The following DSE variants were observed in gnomAD, a reference collection of about 807,000 sequenced individuals.
The protein encoded by DSE is dermatan sulfate epimerase.
A neutral mutation model predicts 84.4 loss-of-function variants in DSE; 36 were observed. That is an observed-to-expected ratio of 0.43 (90% CI 0.33 to 0.56). The LOEUF (loss-of-function observed/expected upper bound fraction) is 0.56, where lower values mean the gene tolerates loss of function less well. DSE is among the 20% of genes least tolerant of loss of function. The pLI, the probability that DSE is intolerant of heterozygous loss-of-function variation, is 0.06. For synonymous variants in DSE, 410 were observed against 430.1 expected (o/e 0.95, Z 0.58); for missense variants, 862 against 1,169.6 (o/e 0.74, Z 3.84).
rs1784506648 is a variant in DSE at position 116,444,082 on chromosome 6, G to A, written c.*6737G>A. 1 of 152,190 alleles carries A rather than the reference G, an allele frequency of 6.6e-6. No homozygotes were observed. The highest frequency in any genetic ancestry group is 6.5e-5 in the Admixed American group (1 of 15,272). 9.4% of individuals were successfully genotyped at this position (152,190 alleles called of 1,614,324 possible). ...GAAGGTATTTGTTTTACTGACAAAA[G>A]AATGGATCCAGGTCATTTAGTAGAG... On this transcript the variant is annotated 3_prime_UTR_variant, in exon 6 of 6. Transcript: ENST00000644252.
At chr6:116,303,479 G>T (rs1225663390) in intron 2 of DSE, among the ~76,000 whole-genome samples, 2 of 152,046 alleles carry the variant, frequency 1.3e-5, no homozygotes, top group African/African-American at 2.4e-5. Flanking sequence ...TTGAGGAAAA[G>T]GCATCTACAA....
intron 1 of DSE, 56 bp from the exon 2 acceptor site, chr6:116,399,142 C>T: frequency 7.0e-7 from 1 of 1,438,114 alleles, no homozygotes; most frequent in South Asian, 1.2e-5. Context: ...TGTTTCCACA[C>T]CTGTGCCATG....
At chr6:116,347,171 T>C (rs1040946823) in intron 2 of DSE, among the ~76,000 whole-genome samples, 1 of 152,252 alleles carries the variant, frequency 6.6e-6, no homozygotes, top group South Asian at 2.1e-4. Flanking sequence ...GAGGAATCAA[T>C]ATCCTGAAAA....
chr6:116,283,967 A>G (rs758665874), intron 2 of DSE, among the ~76,000 whole-genome samples: 1 of 152,236 alleles, frequency 6.6e-6, no homozygotes, highest in Non-Finnish European at 1.5e-5. Flanking sequence ...CATTTTGGCT[A>G]TGCTTCATAT....
intron 2 of DSE, among the ~76,000 whole-genome samples, chr6:116,265,325 G>T (rs1001796133): frequency 6.6e-6 from 1 of 152,138 alleles, no homozygotes; most frequent in African/African-American, 2.4e-5. Context: ...AGGATCTGCT[G>T]TTCTCTGTGT....
intron 2 of DSE, among the ~76,000 whole-genome samples, chr6:116,285,746 C>G (rs868156159): frequency 6.6e-6 from 1 of 152,196 alleles, no homozygotes; most frequent in African/African-American, 2.4e-5. Flanking sequence ...TATGGCTAGC[C>G]AGTTTTCCCA....
At chr6:116,258,861 C>T in exon 2 of DSE, 1 of 1,607,728 alleles carries the variant, frequency 6.2e-7, no homozygotes, top group South Asian at 1.1e-5. Flanking sequence ...TCATGAGCTT[C>T]TTGCCGTTGT....
chr6:116,400,588 G>A (rs1007175497), intron 2 of DSE: 19 of 152,154 alleles, frequency 1.2e-4, no homozygotes, highest in African/African-American at 2.9e-4. Context: ...CAAGCTTTCC[G>A]ATAAATTTCT....
intron 2 of DSE, among the ~76,000 whole-genome samples, chr6:116,284,860 TATGGCTGC>T (rs1283748876): frequency 3.3e-5 from 5 of 152,148 alleles, no homozygotes; most frequent in Non-Finnish European, 7.3e-5. Context: ...CATCCTTTTT[TATGGCTGC>T]ACAGTATTCC....
chr6:116,346,987 G>C (rs1207724816), intron 2 of DSE, among the ~76,000 whole-genome samples: 1 of 152,126 alleles, frequency 6.6e-6, no homozygotes, highest in African/African-American at 2.4e-5. Flanking sequence ...CAGACAAACA[G>C]AGAGCAAAAT....
chr6:116,369,182 C>T (rs1779356796), upstream of DSE, among the ~76,000 whole-genome samples: 1 of 152,144 alleles, frequency 6.6e-6, no homozygotes, highest in Non-Finnish European at 1.5e-5. Context: ...GCGTGGGGGT[C>T]CCCATTGGAA....
chr6:116,421,961 C>G (rs886490949), intron 2 of DSE, among the ~76,000 whole-genome samples: 1 of 152,064 alleles, frequency 6.6e-6, no homozygotes, highest in Non-Finnish European at 1.5e-5. Flanking sequence ...TGTGAATATT[C>G]TTCTTTGACG....
intron 2 of DSE, among the ~76,000 whole-genome samples, chr6:116,412,091 T>A (rs2115026891): frequency 6.6e-6 from 1 of 152,362 alleles, no homozygotes; most frequent in African/African-American, 2.4e-5. Flanking sequence ...TCCACTGTAC[T>A]GCCAAATTAC....
chr6:116,344,247 A>T (rs1316708949), intron 2 of DSE, among the ~76,000 whole-genome samples: 1 of 152,214 alleles, frequency 6.6e-6, no homozygotes, highest in Admixed American at 6.5e-5. Flanking sequence ...CAACCTAGCA[A>T]GGCAGGCCAA....
intron 1 of DSE, among the ~76,000 whole-genome samples, chr6:116,393,399 A>C (rs977137735): frequency 6.6e-6 from 1 of 152,246 alleles, no homozygotes; most frequent in Non-Finnish European, 1.5e-5. Context: ...GTCAGTTAAC[A>C]TCTATAGTTC....
exon 2 of DSE, chr6:116,258,838 A>G: frequency 6.2e-7 from 1 of 1,608,368 alleles, no homozygotes. Flanking sequence ...GGCATGCTTG[A>G]CGATGCACAC....
chr6:116,399,732 C>T (rs2114995867), intron 2 of DSE, 66 bp downstream of exon 2: 1 of 1,464,316 alleles, frequency 6.8e-7, no homozygotes, highest in South Asian at 1.3e-5. Flanking sequence ...ATCCATATGA[C>T]ATCTCAGTGG....
chr6:116,433,334 T>A lies in DSE; in HGVS notation c.911-9T>A, dbSNP rs1471853834. On this transcript the variant is annotated splice_polypyrimidine_tract_variant and intron_variant, in intron 4 of 5. Coordinates refer to ENST00000644252, the MANE Select transcript of DSE (RefSeq NM_013352.4). Reference sequence around the variant, plus strand: ...AAGTATCTTAATTCTTTCCAACTTATTTCCCTAGGGTTTCAAAGGACTGTG... The same window carrying A: ...AAGTATCTTAATTCTTTCCAACTTAATTCCCTAGGGTTTCAAAGGACTGTG... 2.6e-6 allele frequency: 4 copies of A among 1,550,386 alleles called. No homozygotes were observed. The highest frequency in any genetic ancestry group is 2.6e-6 in the Non-Finnish European group (3 of 1,146,756).
intron 2 of DSE, among the ~76,000 whole-genome samples, chr6:116,333,362 T>C (rs556584071): frequency 6.6e-6 from 1 of 152,290 alleles, no homozygotes; most frequent in East Asian, 1.9e-4. Flanking sequence ...AGGCATCACA[T>C]AGTGAGACAA....
Sources: allele counts gnomAD v4.1 joint callset (sites outside exome capture counted in the v4.1 genomes callset), GRCh38; gene constraint gnomAD v4.1.1; transcripts MANE v1.5; gene names NCBI Gene and HGNC (gene_info 2026-07-23, HGNC 2026-07-21).